Variants in KAZN observed in about 807,000 individuals in gnomAD.
KAZN encodes the protein kazrin.
Under a neutral mutation model 87.4 loss-of-function variants are expected in KAZN, and 40 were observed. The ratio of observed to expected loss-of-function variants is 0.46; its 90% confidence interval spans 0.36 to 0.60. The LOEUF (loss-of-function observed/expected upper bound fraction) is 0.60. Among genes scored for constraint, KAZN ranks in the 20% least tolerant of loss-of-function variants. The probability of loss-of-function intolerance (pLI) is 0.00; values close to 1 mark genes in which losing one functional copy is unlikely to be tolerated. For synonymous variants in KAZN, 466 were observed against 458.3 expected, an observed-to-expected ratio of 1.02 and a Z score of -0.22; for missense variants, 898 against 1,073.9, an observed-to-expected ratio of 0.84 and a Z score of 2.29.
chr1:14,300,739 C>T (rs1463198971), intron 2 of KAZN, among the ~76,000 whole-genome samples: 2 of 152,298 alleles, frequency 1.3e-5, no homozygotes, highest in East Asian at 3.9e-4. Flanking sequence ...ATGCAGGTGG[C>T]TCAGTCACCA....
intron 1 of KAZN, among the ~76,000 whole-genome samples, chr1:13,963,026 T>C (rs1641813561): frequency 6.6e-6 from 1 of 152,106 alleles, no homozygotes; most frequent in Admixed American, 6.5e-5. Context: ...GGCCAGTTTG[T>C]AGGGACTTGT....
intron 1 of KAZN, among the ~76,000 whole-genome samples, chr1:13,929,788 T>C (rs774652831): frequency 1.3e-5 from 2 of 152,164 alleles, no homozygotes; most frequent in African/African-American, 4.8e-5. Context: ...AACTAACAGG[T>C]AGAATGTATT....
In KAZN at chr1:15,071,745, A is replaced by G. The variant is rs190224354; in HGVS notation, c.1222+5992A>G. On this transcript the variant is annotated intron_variant, in intron 8 of 14. Transcript: ENST00000376030. ...TTGGCCTATTCATCCTGAAAATGGC[A>G]GGACCTCTGATGACCTAGCACGTGC... Among the ~76,000 whole-genome samples, 534 of 152,356 alleles carry G rather than the reference A, an allele frequency of 3.5e-3. 1 individual carries two copies. Among genetic ancestry groups the G allele is most frequent in the Non-Finnish European group, 4.5e-3 (304 of 68,036 alleles).
intron 1 of KAZN, among the ~76,000 whole-genome samples, chr1:14,645,814 T>C (rs1680767277): frequency 6.6e-6 from 1 of 152,214 alleles, no homozygotes; most frequent in South Asian, 2.1e-4. Context: ...AGGGCATCCT[T>C]GTCTTGTGCC....
At chr1:13,935,273 C>T (rs1434781424) in intron 1 of KAZN, among the ~76,000 whole-genome samples, 1 of 40,078 alleles carries the variant, frequency 2.5e-5, no homozygotes, top group Non-Finnish European at 5.6e-5. Context: ...AATAATAAGC[C>T]TTCAGTACTG....
intron 1 of KAZN, among the ~76,000 whole-genome samples, chr1:14,011,407 G>T (rs1381540644): frequency 1.3e-5 from 2 of 152,182 alleles, no homozygotes; most frequent in East Asian, 3.8e-4. Context: ...TCTTCACCTG[G>T]CTGCTTCGTT....
At chr1:14,533,329 G>A (rs923821035) in intron 2 of KAZN, among the ~76,000 whole-genome samples, 1 of 152,198 alleles carries the variant, frequency 6.6e-6, no homozygotes, top group Non-Finnish European at 1.5e-5. Context: ...CTAGCAACTA[G>A]AGACAGAAAA....
intron 2 of KAZN, among the ~76,000 whole-genome samples, chr1:14,388,715 C>T (rs1662165296): frequency 1.3e-5 from 2 of 152,118 alleles, no homozygotes; most frequent in African/African-American, 4.8e-5. Context: ...GAATTACAGA[C>T]TTAAATATAA....
At chr1:14,405,611 T>TGA (rs1049290334) in intron 2 of KAZN, among the ~76,000 whole-genome samples, 63 of 142,464 alleles carry the variant, frequency 4.4e-4, no homozygotes, top group African/African-American at 1.6e-3. Flanking sequence ...ATAAAATGTG[T>TGA]GTGTGTGTGT....
chr1:14,580,943 C>T (rs1477048926), intron 2 of KAZN, among the ~76,000 whole-genome samples: 4 of 152,166 alleles, frequency 2.6e-5, no homozygotes, highest in Non-Finnish European at 4.4e-5. Context: ...ACTTCTCTCA[C>T]TGCTCCTTCT....
chr1:14,533,564 C>A (rs577716956), intron 2 of KAZN, among the ~76,000 whole-genome samples: 3 of 152,268 alleles, frequency 2.0e-5, no homozygotes, highest in African/African-American at 7.2e-5. Context: ...GATGGCTGTT[C>A]CCCCACATCA....
chr1:14,307,655 C>T (rs1571269653), intron 2 of KAZN, among the ~76,000 whole-genome samples: 4 of 152,254 alleles, frequency 2.6e-5, no homozygotes, highest in Admixed American at 2.6e-4. Context: ...TATAGCTGCC[C>T]AAGACAGAGT....
intron 2 of KAZN, among the ~76,000 whole-genome samples, chr1:14,436,206 G>A (rs536968243): frequency 5.9e-5 from 9 of 152,130 alleles, no homozygotes; most frequent in African/African-American, 1.9e-4. Context: ...TCCAGCCTGG[G>A]CAAAAAGAGT....
At chr1:14,547,081 C>T (rs1673198182) in intron 2 of KAZN, among the ~76,000 whole-genome samples, 1 of 152,138 alleles carries the variant, frequency 6.6e-6, no homozygotes, top group South Asian at 2.1e-4. Context: ...TCAGAATTGG[C>T]ATAAATTTTA....
rs1643925758 is a variant in KAZN, at chr1:14,089,478, G to A, written c.92-90957G>A. ...TCCATTTAAACAAATAGCTATTCTG[G>A]GGTTTAAAATATACATTTTTAACTT... On this transcript the variant is annotated intron_variant, in intron 1 of 16. Transcript: ENST00000636203. Among the ~76,000 whole-genome samples, 4 of 151,448 alleles carry A rather than the reference G, an allele frequency of 2.6e-5. No individual in the cohort carries two copies. The South Asian group carries it at 8.4e-4, about 32-fold the overall frequency.
chr1:14,233,509 A>T (rs184855847), intron 2 of KAZN, among the ~76,000 whole-genome samples: 43 of 152,336 alleles, frequency 2.8e-4, no homozygotes, highest in Admixed American at 2.8e-3. Context: ...AAAAATGGCA[A>T]GCACCTGGTA....
In KAZN at chr1:15,021,258, T is replaced by C. The variant is rs1670637868; in HGVS notation, c.419-13491T>C. On this transcript the variant is annotated intron_variant, in intron 2 of 14. Coordinates refer to ENST00000376030, the MANE Select transcript of KAZN (RefSeq NM_201628.3). The surrounding 1 kb of genome is among the most constrained non-coding windows in gnomAD (Gnocchi z 4.2). ...GCCATTATCTTGCCTGCATACGACC[T>C]CACACACCCACACAAGCCTTTAAAA... 6.6e-6 allele frequency among the ~76,000 whole-genome samples: 1 copy of C among 152,110 alleles called. No homozygotes were observed. Among genetic ancestry groups the C allele is most frequent in the East Asian group, 1.9e-4 (1 of 5,170 alleles).
intron 2 of KAZN, among the ~76,000 whole-genome samples, chr1:14,443,246 A>C (rs1202385848): frequency 6.6e-6 from 1 of 152,238 alleles, no homozygotes; most frequent in Non-Finnish European, 1.5e-5. Context: ...AATGGGCCCC[A>C]GTGCTCTGCA....
At chr1:14,200,481 G>T (rs1182294459) in intron 2 of KAZN, among the ~76,000 whole-genome samples, 1 of 152,080 alleles carries the variant, frequency 6.6e-6, no homozygotes, top group Non-Finnish European at 1.5e-5. Flanking sequence ...TGTCTTACTT[G>T]CTAACATTTA....
Sources: gnomAD v4.1 joint callset for allele counts (sites outside exome capture counted in the v4.1 genomes callset) on GRCh38, gnomAD v4.1.1 for gene constraint, Gnocchi (gnomAD v3.1) non-coding constraint, MANE v1.5 for transcripts, NCBI Gene and HGNC (gene_info 2026-07-23, HGNC 2026-07-21) for gene names.